FSTL5: variants seen among roughly 807,000 people sequenced by gnomAD.
FSTL5 encodes the protein follistatin like 5, also known as follistatin-related protein 5.
FSTL5 carries 62 observed loss-of-function variants against 89.1 expected under a neutral mutation model. The observed-to-expected ratio is 0.70, with a 90% CI of 0.57 to 0.86. FSTL5 has a LOEUF of 0.86. FSTL5 is among the 40% of genes least tolerant of loss of function. The pLI is 0.00. For missense variants in FSTL5, 1,057 were observed against 1,001.6 expected (o/e 1.06, Z -0.75); for synonymous variants, 383 against 346.2 (o/e 1.11, Z -1.18).
rs189759159 is a variant in FSTL5, at chr4:161,479,693, G to C, written c.1608+1327C>G. On this transcript the variant is annotated intron_variant, in intron 13 of 15. Transcript: ENST00000306100. Reference sequence around the variant, plus strand: ...ATTAGATTGTATATTCATAAAAAATGTGTAACCTCAGGGCCTTAGGGTTTT... The same window carrying C: ...ATTAGATTGTATATTCATAAAAAATCTGTAACCTCAGGGCCTTAGGGTTTT... Among the ~76,000 whole-genome samples the C allele has an allele frequency of 1.2e-3, 189 of 152,206 alleles. 1 individual carries two copies. The highest frequency in any genetic ancestry group is 4.3e-3 in the African/African-American group (180 of 41,542).
chr4:161,541,605 T>C (rs4529007), intron 9 of FSTL5, among the ~76,000 whole-genome samples: 32,168 of 151,916 alleles, frequency 0.21, 3,597 homozygotes, highest in Non-Finnish European at 0.24. Context: ...CTTGCAAGAA[T>C]AAGTAGAAGT....
chr4:161,487,724 A>C (rs1284239630), intron 12 of FSTL5, among the ~76,000 whole-genome samples: 1 of 151,976 alleles, frequency 6.6e-6, no homozygotes, highest in Non-Finnish European at 1.5e-5. Flanking sequence ...ATGTATTTTT[A>C]ACCGAACCTG....
At chr4:161,793,198 G>A (rs375380677) in intron 4 of FSTL5, among the ~76,000 whole-genome samples, 94 of 152,240 alleles carry the variant, frequency 6.2e-4, no homozygotes, top group African/African-American at 2.0e-3. Flanking sequence ...TGTGCCCAGC[G>A]GCCAGACCCT....
intron 15 of FSTL5, among the ~76,000 whole-genome samples, chr4:161,444,137 C>G (rs138930907): frequency 6.6e-6 from 1 of 151,362 alleles, no homozygotes; most frequent in Non-Finnish European, 1.5e-5. Context: ...AGTAGAGAAC[C>G]GTATGGCAAA....
intron 3 of FSTL5, among the ~76,000 whole-genome samples, chr4:161,973,967 GACAA>G (rs1310397547): frequency 6.6e-6 from 1 of 151,884 alleles, no homozygotes; most frequent in African/African-American, 2.4e-5. Context: ...ACCAACAACA[GACAA>G]ACAGAGAGCC....
chr4:161,554,348 T>C (rs1732317325), intron 8 of FSTL5, among the ~76,000 whole-genome samples: 1 of 151,602 alleles, frequency 6.6e-6, no homozygotes, highest in African/African-American at 2.4e-5. Flanking sequence ...ATAGAATTTA[T>C]TTAATGTAAT....
At chr4:161,595,609 T>C (rs1377198716) in intron 7 of FSTL5, among the ~76,000 whole-genome samples, 1 of 152,104 alleles carries the variant, frequency 6.6e-6, no homozygotes, top group African/African-American at 2.4e-5. Context: ...AACTACCTAT[T>C]GATTATAATC....
At chr4:161,870,074 A>G (rs1732213936) in intron 4 of FSTL5, among the ~76,000 whole-genome samples, 1 of 152,192 alleles carries the variant, frequency 6.6e-6, no homozygotes. Context: ...GACAACAGAG[A>G]AAGTGATAGA....
rs4691781 is a variant in FSTL5 at position 161,680,374 on chromosome 4, T to C, written c.728-23880A>G. 5.9e-3 allele frequency among the ~76,000 whole-genome samples: 903 copies of C among 152,050 alleles called. 9 individuals carry two copies. The highest frequency in any genetic ancestry group is 0.045 in the South Asian group (218 of 4,830). The stretch of plus-strand genomic sequence containing the variant: ...TTCTTTATTACTTCCCTTATGCATT[T>C]CCTCACTCCTACAACCTTTCCATCT... On this transcript the variant is annotated intron_variant, in intron 6 of 15. Coordinates refer to ENST00000306100, the MANE Select transcript of FSTL5 (RefSeq NM_020116.5).
At chr4:162,076,882 T>A (rs1426711317) in intron 2 of FSTL5, among the ~76,000 whole-genome samples, 3 of 150,208 alleles carry the variant, frequency 2.0e-5, no homozygotes, top group African/African-American at 7.5e-5. Flanking sequence ...GAACATAAAT[T>A]AAATTTATAA....
chr4:161,706,734 AGC>A (rs745930929), intron 6 of FSTL5, among the ~76,000 whole-genome samples: 49 of 152,078 alleles, frequency 3.2e-4, no homozygotes, highest in Non-Finnish European at 5.0e-4. Context: ...AAATGTACAC[AGC>A]GACCTTTTAG....
At chr4:162,154,744 A>T (rs771605957) in intron 1 of FSTL5, among the ~76,000 whole-genome samples, 1 of 152,186 alleles carries the variant, frequency 6.6e-6, no homozygotes, top group East Asian at 1.9e-4. Context: ...TGCAAGCATA[A>T]AAAGAGAATA....
At chr4:161,612,885 A>G (rs1208477640) in intron 7 of FSTL5, among the ~76,000 whole-genome samples, 1 of 152,228 alleles carries the variant, frequency 6.6e-6, no homozygotes, top group African/African-American at 2.4e-5. Flanking sequence ...TTTAATTTGC[A>G]TAAAATACAA....
intron 12 of FSTL5, among the ~76,000 whole-genome samples, chr4:161,490,956 G>A (rs1366785343): frequency 6.6e-6 from 1 of 151,878 alleles, no homozygotes; most frequent in Non-Finnish European, 1.5e-5. Context: ...TAAATCTTTA[G>A]AAATAAGTGT....
intron 4 of FSTL5, among the ~76,000 whole-genome samples, chr4:161,918,716 C>G (rs2110856031): frequency 6.6e-6 from 1 of 152,030 alleles, no homozygotes; most frequent in East Asian, 1.9e-4. Context: ...GCTATCTCGG[C>G]TCACTGCAAC....
intron 7 of FSTL5, among the ~76,000 whole-genome samples, chr4:161,616,691 T>TA (rs1356244192): frequency 2.0e-5 from 3 of 151,850 alleles, no homozygotes; most frequent in Admixed American, 6.6e-5. Context: ...GATTGTGGCC[T>TA]ATTGGGGGTG....
At chr4:161,868,994 G>A (rs1732177664) in intron 4 of FSTL5, among the ~76,000 whole-genome samples, 1 of 152,124 alleles carries the variant, frequency 6.6e-6, no homozygotes, top group South Asian at 2.1e-4. Flanking sequence ...GAACGAGAGA[G>A]GCGGATCACC....
intron 8 of FSTL5, among the ~76,000 whole-genome samples, chr4:161,562,251 A>C (rs986919211): frequency 6.6e-6 from 1 of 151,978 alleles, no homozygotes; most frequent in African/African-American, 2.4e-5. Context: ...GAAGTTTTGA[A>C]ATTGGGAAGT....
chr4:161,461,420 C>CATTG, intron 13 of FSTL5, among the ~76,000 whole-genome samples: 1 of 131,698 alleles, frequency 7.6e-6, no homozygotes, highest in East Asian at 2.3e-4. Context: ...GAGATCACGC[C>CATTG]ATTGCACTCC....
Sources: gnomAD v4.1 joint callset for allele counts (sites outside exome capture counted in the v4.1 genomes callset) on GRCh38, gnomAD v4.1.1 for gene constraint, MANE v1.5 for transcripts, NCBI Gene and HGNC (gene_info 2026-07-23, HGNC 2026-07-21) for gene names.